ZFPM2: variants seen among roughly 807,000 people sequenced by gnomAD.
ZFPM2 encodes the protein zinc finger protein ZFPM2.
In ZFPM2, 20 loss-of-function variants were observed where a neutral mutation model predicts 98.6. The observed-to-expected ratio is 0.20, with a 90% CI of 0.14 to 0.29. The LOEUF (loss-of-function observed/expected upper bound fraction) is 0.29. ZFPM2 is among the 10% of genes least tolerant of loss of function. ZFPM2 has a pLI of 1.00. For synonymous variants in ZFPM2, 518 were observed against 502.7 expected, an observed-to-expected ratio of 1.03 and a Z score of -0.41; for missense variants, 1,310 against 1,388.6, an observed-to-expected ratio of 0.94 and a Z score of 0.90.
intron 3 of ZFPM2, among the ~76,000 whole-genome samples, chr8:105,533,829 C>T (rs185383462): frequency 2.6e-4 from 5 of 19,344 alleles, no homozygotes; most frequent in African/African-American, 9.8e-4. Flanking sequence ...CCCTCTTCCT[C>T]CCTCCCTCCC....
intron 5 of ZFPM2, among the ~76,000 whole-genome samples, chr8:105,722,942 G>A (rs568079772): frequency 2.6e-4 from 39 of 151,810 alleles, no homozygotes; most frequent in Non-Finnish European, 5.2e-4. Context: ...AGTCCATGTT[G>A]ACAAGAAACC....
At chr8:105,427,150 C>T (rs773857537) in intron 2 of ZFPM2, among the ~76,000 whole-genome samples, 3 of 152,130 alleles carry the variant, frequency 2.0e-5, no homozygotes, top group African/African-American at 4.8e-5. Flanking sequence ...AAGGAACTCT[C>T]TTCTTATGAG....
At chr8:105,713,122 T>C (rs186639680) in intron 5 of ZFPM2, among the ~76,000 whole-genome samples, 288 of 152,216 alleles carry the variant, frequency 1.9e-3, no homozygotes, top group Non-Finnish European at 3.2e-3. Flanking sequence ...CTGCTTTCTA[T>C]AGTGACTGAA....
At position 105,741,007 on chromosome 8, in the gene ZFPM2, C is replaced by T. The variant is rs55986136; in HGVS notation, c.533-47711C>T. Reference sequence around the variant, plus strand: ...GCAAGAATGTCCCAGATAGAGGCAGCCGTGTATTGGTGTAATATCAGGGCA... The same window carrying T: ...GCAAGAATGTCCCAGATAGAGGCAGTCGTGTATTGGTGTAATATCAGGGCA... On this transcript the variant is annotated intron_variant, in intron 5 of 7. Coordinates refer to ENST00000407775, the MANE Select transcript of ZFPM2 (RefSeq NM_012082.4). Among the ~76,000 whole-genome samples the T allele has an allele frequency of 4.9e-3, 749 of 152,070 alleles. 6 individuals carry two copies. The highest frequency in any genetic ancestry group is 0.017 in the African/African-American group (724 of 41,516).
chr8:105,674,558 C>T (rs762349813), intron 5 of ZFPM2, among the ~76,000 whole-genome samples: 3 of 152,084 alleles, frequency 2.0e-5, no homozygotes, highest in Non-Finnish European at 2.9e-5. Flanking sequence ...CTTTTTGTTC[C>T]GTACCTTGGC....
intron 1 of ZFPM2, among the ~76,000 whole-genome samples, chr8:105,356,687 G>A (rs898581340): frequency 6.6e-6 from 1 of 152,168 alleles, no homozygotes; most frequent in Non-Finnish European, 1.5e-5. Context: ...GTGCCTTTCT[G>A]GTCCATATTT....
At chr8:105,764,484 G>A (rs187025900) in intron 5 of ZFPM2, among the ~76,000 whole-genome samples, 6 of 151,034 alleles carry the variant, frequency 4.0e-5, no homozygotes, top group Admixed American at 1.3e-4. Context: ...TTTTACTTCC[G>A]TTTTTCAATA....
intron 4 of ZFPM2, among the ~76,000 whole-genome samples, chr8:105,589,862 C>T (rs966269277): frequency 6.6e-5 from 10 of 151,828 alleles, no homozygotes; most frequent in African/African-American, 2.4e-4. Flanking sequence ...GCTGGGATTA[C>T]AGGCACGTGC....
At chr8:105,414,299 T>C (rs1323630531) in intron 1 of ZFPM2, among the ~76,000 whole-genome samples, 1 of 152,022 alleles carries the variant, frequency 6.6e-6, no homozygotes, top group Non-Finnish European at 1.5e-5. Flanking sequence ...CCCCTATTAA[T>C]ACATGATAAT....
At chr8:105,535,841 T>C (rs1412178301) in intron 3 of ZFPM2, among the ~76,000 whole-genome samples, 2 of 152,192 alleles carry the variant, frequency 1.3e-5, no homozygotes, top group African/African-American at 4.8e-5. Flanking sequence ...AAATGACCAC[T>C]CTATGACATT....
chr8:105,320,256 T>TTG (rs71305141), intron 1 of ZFPM2, among the ~76,000 whole-genome samples: 27,705 of 142,118 alleles, frequency 0.19, 2,599 homozygotes, highest in Middle Eastern at 0.24. Flanking sequence ...ATTCAGATCT[T>TTG]TGTGTGTGTG....
At position 105,801,719 on chromosome 8, in the gene ZFPM2, A is replaced by G. The variant is rs867438287; in HGVS notation, c.1637A>G (p.Lys546Arg). Residue 546 changes from lysine (K) to arginine (R), a missense_variant, in exon 8 of 8, where the codon AAG becomes AGG. Transcript: ENST00000407775. ...GTCATTTACAGCCCTTTGATGCCCA[A>G]GGGGGCTACTTGTTTTGAGTGTAAC... ...PPVIYSPLMP[K>R]GATCFECNIT... 1.2e-6 allele frequency: 2 copies of G among 1,613,840 alleles called. No homozygotes were observed. Among genetic ancestry groups the G allele is most frequent in the Middle Eastern group, 1.6e-4 (1 of 6,062 alleles).
chr8:105,443,035 G>A (rs1359408182), intron 2 of ZFPM2, among the ~76,000 whole-genome samples: 2 of 151,938 alleles, frequency 1.3e-5, no homozygotes, highest in African/African-American at 4.8e-5. Context: ...TATTGGCCGG[G>A]CACAGTGTCA....
intron 5 of ZFPM2, among the ~76,000 whole-genome samples, chr8:105,699,499 G>A (rs578040978): frequency 6.6e-6 from 1 of 152,164 alleles, no homozygotes; most frequent in Non-Finnish European, 1.5e-5. Flanking sequence ...TTGGAGTATT[G>A]TTTTGAAAGG....
intron 3 of ZFPM2, among the ~76,000 whole-genome samples, chr8:105,460,039 C>A (rs561830938): frequency 1.3e-5 from 2 of 152,246 alleles, no homozygotes; most frequent in East Asian, 1.9e-4. Context: ...TACCAGATAG[C>A]ATTCCCTGGG....
At chr8:105,600,862 A>G (rs1816078545) in intron 4 of ZFPM2, among the ~76,000 whole-genome samples, 1 of 152,118 alleles carries the variant, frequency 6.6e-6, no homozygotes. Context: ...TAGCATGACT[A>G]TTGCAGTGTT....
intron 3 of ZFPM2, among the ~76,000 whole-genome samples, chr8:105,536,267 TG>T (rs1333567978): frequency 1.3e-5 from 2 of 152,186 alleles, no homozygotes; most frequent in South Asian, 4.1e-4. Flanking sequence ...TTAATATTTA[TG>T]TTTTTTTGTC....
intron 5 of ZFPM2, among the ~76,000 whole-genome samples, chr8:105,734,371 T>C (rs910807174): frequency 2.6e-5 from 4 of 151,966 alleles, no homozygotes; most frequent in African/African-American, 9.7e-5. Context: ...TCTCCAAATG[T>C]TTACTTTACC....
chr8:105,369,712 A>G (rs975879), intron 1 of ZFPM2, among the ~76,000 whole-genome samples: 133,853 of 152,150 alleles, frequency 0.88, 59,187 homozygotes, highest in East Asian at 0.97. Flanking sequence ...TGTGCTTTGG[A>G]TGGATAATTT....
Sources: allele counts gnomAD v4.1 joint callset (sites outside exome capture counted in the v4.1 genomes callset), GRCh38; gene constraint gnomAD v4.1.1; transcripts MANE v1.5; gene names NCBI Gene and HGNC (gene_info 2026-07-23, HGNC 2026-07-21).